The following LRRC37A2 variants were observed in gnomAD, a reference collection of about 807,000 sequenced individuals.
LRRC37A2 encodes leucine-rich repeat-containing protein 37A2.
A neutral mutation model predicts 68.8 loss-of-function variants in LRRC37A2; 9 were observed. The ratio of observed to expected loss-of-function variants is 0.13; its 90% CI spans 0.08 to 0.23. The LOEUF is 0.23. LRRC37A2 is among the 10% of genes least tolerant of loss of function. The probability of loss-of-function intolerance (pLI) is 1.00; values close to 1 mark genes in which losing one functional copy is unlikely to be tolerated. For missense variants in LRRC37A2, 168 were observed against 950.4 expected, an observed-to-expected ratio of 0.18 and a Z score of 10.82; for synonymous variants, 63 against 367.6, an observed-to-expected ratio of 0.17 and a Z score of 9.48.
the LRRC37A2 span, chr17:46,722,223 G>A: frequency 7.9e-6 from 11 of 1,392,396 alleles, no homozygotes; most frequent in East Asian, 2.3e-5. Flanking sequence ...CAAATCTCGC[G>A]AGAGCACGTC....
chr17:47,041,560 C>CACCT, the LRRC37A2 span, among the ~76,000 whole-genome samples: 1 of 65,880 alleles, frequency 1.5e-5, no homozygotes, highest in Non-Finnish European at 3.1e-5. Context: ...CCTGGGTTCA[C>CACCT]ACAATTCTCC....
chr17:46,495,351 G>A, the LRRC37A2 span, among the ~76,000 whole-genome samples: 7 of 148,750 alleles, frequency 4.7e-5, no homozygotes, highest in Non-Finnish European at 5.9e-5. Flanking sequence ...GGGATTCCAG[G>A]CTAAACCACT....
At chr17:46,836,321 A>G in the LRRC37A2 span, among the ~76,000 whole-genome samples, 31 of 152,098 alleles carry the variant, frequency 2.0e-4, no homozygotes, top group East Asian at 5.8e-3. Flanking sequence ...ATTCCTTGGA[A>G]CTGCTGTTTT....
chr17:46,725,250 G>C, the LRRC37A2 span, among the ~76,000 whole-genome samples: 15 of 152,300 alleles, frequency 9.8e-5, no homozygotes, highest in Admixed American at 9.2e-4. Context: ...ACTGAATTCT[G>C]TTCTGTGCTG....
the LRRC37A2 span, chr17:46,818,908 G>A: frequency 2.2e-6 from 1 of 460,008 alleles, no homozygotes; most frequent in Non-Finnish European, 3.9e-6. Context: ...GCAAACTTGG[G>A]CAAAGCCCGC....
chr17:46,989,084 A>G, the LRRC37A2 span, among the ~76,000 whole-genome samples: 1 of 152,112 alleles, frequency 6.6e-6, no homozygotes, highest in African/African-American at 2.4e-5. Context: ...AGCATAGGAA[A>G]TCATTTTCAG....
chr17:46,558,759 ATGAC>A (rs1402239459), downstream of LRRC37A2: 2 of 136,298 alleles, frequency 1.5e-5, 1 homozygote, highest in East Asian at 4.6e-4. Flanking sequence ...GCTGCTTTAA[ATGAC>A]TGATCCTCGA....
chr17:46,864,758 C>A, the LRRC37A2 span, among the ~76,000 whole-genome samples: 1 of 152,158 alleles, frequency 6.6e-6, no homozygotes, highest in Admixed American at 6.5e-5. Flanking sequence ...GGGCCACAGA[C>A]CCAGCCCTGC....
chr17:46,850,062 C>T, the LRRC37A2 span, among the ~76,000 whole-genome samples: 1 of 152,176 alleles, frequency 6.6e-6, no homozygotes, highest in African/African-American at 2.4e-5. Context: ...GTTGGCCAGG[C>T]TGGTCTCGAA....
chr17:47,028,445 C>G, the LRRC37A2 span: 1 of 846,332 alleles, frequency 1.2e-6, no homozygotes. Context: ...GGTATAAGCC[C>G]ATTATCAACT....
chr17:46,967,007 A>T, the LRRC37A2 span: 1 of 237,316 alleles, frequency 4.2e-6, no homozygotes, highest in Non-Finnish European at 8.1e-6. Context: ...GTGATGTGTG[A>T]AGTCCCTTGA....
At chr17:46,905,976 G>A in the LRRC37A2 span, among the ~76,000 whole-genome samples, 1 of 152,194 alleles carries the variant, frequency 6.6e-6, no homozygotes, top group Non-Finnish European at 1.5e-5. Flanking sequence ...GGGAGGAACG[G>A]GCAGGGCCGG....
At chr17:46,830,862 G>A in the LRRC37A2 span, 1 of 397,872 alleles carries the variant, frequency 2.5e-6, no homozygotes, top group Non-Finnish European at 4.4e-6. Context: ...CAAAGAAAAA[G>A]TCTGGTTGGT....
chr17:46,748,267 A>G, the LRRC37A2 span, among the ~76,000 whole-genome samples: 1 of 152,000 alleles, frequency 6.6e-6, no homozygotes, highest in Non-Finnish European at 1.5e-5. Context: ...ACGTGTCACC[A>G]TGCCCAGCTA....
chr17:46,996,278 T>A, the LRRC37A2 span, among the ~76,000 whole-genome samples: 1 of 152,154 alleles, frequency 6.6e-6, no homozygotes, highest in Non-Finnish European at 1.5e-5. Flanking sequence ...GTTATCAGCA[T>A]TGAGAACACC....
chr17:46,909,079 T>G, the LRRC37A2 span, among the ~76,000 whole-genome samples: 1 of 152,100 alleles, frequency 6.6e-6, no homozygotes, highest in Admixed American at 6.5e-5. Context: ...GTAGCATGAG[T>G]CTCACTCTGT....
At chr17:46,696,316 C>A in the LRRC37A2 span, among the ~76,000 whole-genome samples, 12 of 140,146 alleles carry the variant, frequency 8.6e-5, 2 homozygotes, top group Non-Finnish European at 1.2e-4. Context: ...GGAGTTAATA[C>A]CCCGACTGCA....
At chr17:46,830,609 C>T in the LRRC37A2 span, 3 of 398,592 alleles carry the variant, frequency 7.5e-6, no homozygotes, top group Non-Finnish European at 1.3e-5. Flanking sequence ...TATTCTTTTA[C>T]TTTATTTTCT....
At chr17:46,792,089 C>T in the LRRC37A2 span, among the ~76,000 whole-genome samples, 3 of 152,160 alleles carry the variant, frequency 2.0e-5, no homozygotes, top group Non-Finnish European at 1.5e-5. Context: ...ATAGAAATAG[C>T]GAACATTTAA....
Sources: allele counts gnomAD v4.1 joint callset (sites outside exome capture counted in the v4.1 genomes callset), GRCh38; gene constraint gnomAD v4.1.1; transcripts MANE v1.5; gene names NCBI Gene and HGNC (gene_info 2026-07-23, HGNC 2026-07-21).